Variants in COMMD6 observed in about 807,000 individuals in gnomAD.
The protein encoded by COMMD6 is COMM domain containing 6.
In COMMD6, 11 loss-of-function variants were observed where a neutral mutation model predicts 13.4. The observed-to-expected ratio is 0.82, with a 90% CI of 0.52 to 1.36. COMMD6 has a LOEUF of 1.36. COMMD6 is among the 40% of genes most tolerant of loss of function. COMMD6 has a pLI of 0.00. For synonymous variants in COMMD6, 43 were observed against 36.5 expected, an observed-to-expected ratio of 1.18 and a Z score of -0.64; for missense variants, 124 against 102.4, an observed-to-expected ratio of 1.21 and a Z score of -0.91.
At chr13:75,527,059 A>T (rs1315306101) in intron 3 of COMMD6, among the ~76,000 whole-genome samples, 1 of 152,212 alleles carries the variant, frequency 6.6e-6, no homozygotes, top group Non-Finnish European at 1.5e-5. Context: ...ACTAGAAGAG[A>T]GATCCAACAT....
At chr13:75,547,429 T>A (rs1299177141) in intron 1 of COMMD6, among the ~76,000 whole-genome samples, 1 of 152,124 alleles carries the variant, frequency 6.6e-6, no homozygotes, top group Non-Finnish European at 1.5e-5. Flanking sequence ...GCAAAACCCA[T>A]AAATAATGAG....
At chr13:75,544,935 A>AAAAAAAC (rs2030883007) in intron 1 of COMMD6, among the ~76,000 whole-genome samples, 3 of 151,110 alleles carry the variant, frequency 2.0e-5, no homozygotes, top group Admixed American at 6.6e-5. Flanking sequence ...CCAAAAAAAA[A>AAAAAAAC]AAAAAAACAA....
At chr13:75,529,856 T>C in intron 3 of COMMD6, 2 of 319,038 alleles carry the variant, frequency 6.3e-6, no homozygotes, top group Non-Finnish European at 1.1e-5. Context: ...AAAACTTTCC[T>C]AAATATACTC....
At chr13:75,534,572 A>G (rs1253393769) in intron 2 of COMMD6, among the ~76,000 whole-genome samples, 1 of 152,252 alleles carries the variant, frequency 6.6e-6, no homozygotes, top group East Asian at 1.9e-4. Flanking sequence ...ACTTACCACT[A>G]TGCAGAATGT....
chr13:75,531,428 C>G (rs2030475549), intron 2 of COMMD6, among the ~76,000 whole-genome samples: 1 of 152,058 alleles, frequency 6.6e-6, no homozygotes, highest in Non-Finnish European at 1.5e-5. Context: ...AAAGGGGGAC[C>G]AAAAATTCCT....
At chr13:75,535,033 C>T (rs972716147) in intron 2 of COMMD6, among the ~76,000 whole-genome samples, 4 of 152,142 alleles carry the variant, frequency 2.6e-5, no homozygotes, top group Non-Finnish European at 5.9e-5. Flanking sequence ...TGACGAAATG[C>T]AGGGTAAGGT....
chr13:75,533,593 G>C (rs1320127247), intron 2 of COMMD6, among the ~76,000 whole-genome samples: 1 of 150,136 alleles, frequency 6.7e-6, no homozygotes, highest in East Asian at 2.0e-4. Context: ...AAAAAAGAGA[G>C]AGAGAGAGAT....
At chr13:75,530,369 G>A (rs992569630) in intron 2 of COMMD6, 103 bp from the exon 3 acceptor site, 21 of 806,706 alleles carry the variant, frequency 2.6e-5, no homozygotes, top group Non-Finnish European at 4.1e-5. Context: ...TAGTTTCAAC[G>A]CTGGTCATAT....
chr13:75,540,255 G>A (rs912888816), upstream of COMMD6, among the ~76,000 whole-genome samples: 23 of 151,856 alleles, frequency 1.5e-4, no homozygotes, highest in African/African-American at 5.3e-4. Context: ...ACAGGTGTGA[G>A]TCACCATGCC....
upstream of COMMD6, among the ~76,000 whole-genome samples, chr13:75,538,252 A>C (rs1290641088): frequency 6.6e-6 from 1 of 152,186 alleles, no homozygotes; most frequent in Non-Finnish European, 1.5e-5. Context: ...TTATAGGATG[A>C]GCTGCTTCGC....
upstream of COMMD6, among the ~76,000 whole-genome samples, chr13:75,541,176 C>T (rs2030820031): frequency 1.3e-5 from 2 of 152,144 alleles, no homozygotes; most frequent in South Asian, 4.1e-4. Flanking sequence ...AAAATCTCAC[C>T]AGCACAGTTC....
upstream of COMMD6, chr13:75,537,906 A>G (rs2030742635): frequency 3.2e-6 from 4 of 1,260,628 alleles, no homozygotes; most frequent in East Asian, 9.4e-5. Context: ...CATGGGGCGG[A>G]CGTAGCAGGG....
chr13:75,537,267 C>G, intron 2 of COMMD6: 2 of 1,479,654 alleles, frequency 1.4e-6, no homozygotes, highest in Non-Finnish European at 1.8e-6. Context: ...AATGCATACT[C>G]TAAAAGGCTA....
chr13:75,527,864 G>A, intron 3 of COMMD6: 1 of 1,501,556 alleles, frequency 6.7e-7, no homozygotes, highest in Non-Finnish European at 8.9e-7. Context: ...GGGGGTCAAT[G>A]GGGAAATGTT....
intron 2 of COMMD6, among the ~76,000 whole-genome samples, chr13:75,532,562 T>C (rs2030516898): frequency 6.6e-6 from 1 of 152,228 alleles, no homozygotes; most frequent in East Asian, 1.9e-4. Flanking sequence ...CTGGGTGCGG[T>C]GGCTCACGCC....
intron 2 of COMMD6, among the ~76,000 whole-genome samples, chr13:75,532,476 T>A (rs1188572149): frequency 6.6e-6 from 1 of 152,218 alleles, no homozygotes; most frequent in African/African-American, 2.4e-5. Context: ...AAATGCTTAA[T>A]AAATATTGGG....
chr13:75,536,334 T>A (rs535067283), intron 2 of COMMD6, among the ~76,000 whole-genome samples: 3 of 152,374 alleles, frequency 2.0e-5, no homozygotes, highest in African/African-American at 7.2e-5. Context: ...CAAACAATCA[T>A]ATAATCTGTG....
chr13:75,530,450 A>C, intron 2 of COMMD6, 184 bp from the exon 3 acceptor site: 2 of 460,640 alleles, frequency 4.3e-6, no homozygotes, highest in Non-Finnish European at 7.6e-6. Context: ...AGAGGTTATA[A>C]GGGATATAAA....
intron 3 of COMMD6, among the ~76,000 whole-genome samples, chr13:75,527,285 C>T (rs1336854543): frequency 6.6e-6 from 1 of 152,170 alleles, no homozygotes; most frequent in Non-Finnish European, 1.5e-5. Flanking sequence ...ATGATTTACA[C>T]ATCTGCATTT....
Sources: allele counts gnomAD v4.1 joint callset (sites outside exome capture counted in the v4.1 genomes callset), GRCh38; gene constraint gnomAD v4.1.1; transcripts MANE v1.5; gene names NCBI Gene and HGNC (gene_info 2026-07-23, HGNC 2026-07-21).